Variants in ANKRD13B observed in about 807,000 individuals in gnomAD.
The protein encoded by ANKRD13B is ankyrin repeat domain 13B.
Under a neutral mutation model 74.4 loss-of-function variants are expected in ANKRD13B, and 33 were observed. That is an observed-to-expected ratio of 0.44 (90% CI 0.34 to 0.59). The LOEUF (loss-of-function observed/expected upper bound fraction) is 0.59, where lower values mean the gene tolerates loss of function less well. ANKRD13B is among the 20% of genes least tolerant of loss of function. The pLI is 0.02. For synonymous variants in ANKRD13B, 341 were observed against 362.9 expected (o/e 0.94, Z 0.68); for missense variants, 676 against 877.9 (o/e 0.77, Z 2.91).
rs2034689427 is a variant in ANKRD13B at position 29,613,557 on chromosome 17, T to C, written c.1856T>C (p.Leu619Pro). The change falls in exon 15 of 15, where the codon CTG becomes CCG. Residue 619 changes from leucine to proline, a missense_variant. Coordinates refer to ENST00000394859, the MANE Select transcript of ANKRD13B (RefSeq NM_152345.5). ...GAGGAGGAGGAGCTGGAGCGCATCC[T>C]GAGGCTCTCACTGACCGAGCAGTAG... ...RQEEEELERI[L>P]RLSLTEQ 6.6e-7 allele frequency: 1 copy of C among 1,504,930 alleles called. No homozygotes were observed. Among genetic ancestry groups the C allele is most frequent in the Non-Finnish European group, 8.9e-7 (1 of 1,128,600 alleles). 93.2% of individuals were successfully genotyped at this position (1,504,930 alleles called of 1,614,324 possible). A position where few individuals can be genotyped will look rare whatever the true frequency, so the allele number is the denominator to read the frequency against.
At chr17:29,601,564 A>G (rs1377865816) in intron 1 of ANKRD13B, among the ~76,000 whole-genome samples, 2 of 152,104 alleles carry the variant, frequency 1.3e-5, no homozygotes, top group Non-Finnish European at 2.9e-5. Flanking sequence ...GCACTCTTCA[A>G]TCCTTTGTAC....
intron 1 of ANKRD13B, among the ~76,000 whole-genome samples, chr17:29,596,548 C>T (rs189919035): frequency 1.2e-4 from 18 of 152,298 alleles, no homozygotes; most frequent in Admixed American, 1.2e-3. Flanking sequence ...GTGGGAGGGA[C>T]ATGTGTGGGC....
rs1233436934 is a variant in ANKRD13B, at chr17:29,612,858, C to T, written c.1576-29C>T. The T allele has an allele frequency of 6.2e-7, 1 of 1,600,332 alleles. No homozygotes were observed. The highest frequency in any genetic ancestry group is 8.5e-7 in the Non-Finnish European group (1 of 1,179,186). On this transcript the variant is annotated intron_variant, in intron 13 of 14. Transcript: ENST00000394859. This position sits in a 1 kb window ranked among gnomAD's most constrained non-coding sequence, Gnocchi z 6.1. ...CGCGGGGCCACGGGACTCCGCGCCG[C>T]CACGGCTAACGCCCACGCCTCCCCG...
rs764060127 is a variant in ANKRD13B, at chr17:29,607,894, AC to A, written c.250+21del. ...GCTGGACAGGTGGGCAGCCCTGCTCACCCCAGCCCCACAGCCGGGGCCTCCC... is the reference window on the plus strand; with the variant it reads ...GCTGGACAGGTGGGCAGCCCTGCTCACCCAGCCCCACAGCCGGGGCCTCCC... On this transcript the variant is annotated intron_variant, in intron 2 of 14. Transcript: ENST00000394859. 6.3e-7 allele frequency: 1 copy of A among 1,584,720 alleles called. No individual in the cohort carries two copies. The highest frequency in any genetic ancestry group is 8.6e-7 in the Non-Finnish European group (1 of 1,164,012).
intron 1 of ANKRD13B, among the ~76,000 whole-genome samples, chr17:29,607,460 G>A (rs2034429108): frequency 6.6e-6 from 1 of 152,230 alleles, no homozygotes; most frequent in South Asian, 2.1e-4. Context: ...CCAGCCAGGG[G>A]CCCTTGGTGG....
Position 29,593,591 on chromosome 17 carries a change from GGCGCCGC to G in ANKRD13B, c.-29_-23del. Reference sequence around the variant, plus strand: ...CGGCGCCGTCCCTCCTCCCCGGCCGGGCGCCGCGGCCCCGGCATGAGGAGCGGGCGAT... The same window carrying G: ...CGGCGCCGTCCCTCCTCCCCGGCCGGGGCCCCGGCATGAGGAGCGGGCGAT... On this transcript the variant is annotated 5_prime_UTR_variant, in exon 1 of 15. The change abolishes the stop of an existing upstream ORF in the 5' untranslated region. Coordinates refer to ENST00000394859, the MANE Select transcript of ANKRD13B (RefSeq NM_152345.5). 1 of 1,179,428 alleles carries G rather than the reference GGCGCCGC, an allele frequency of 8.5e-7. No individual in the cohort carries two copies. The highest frequency in any genetic ancestry group is 4.2e-5 in the East Asian group (1 of 23,582). 73.1% of individuals were successfully genotyped at this position (1,179,428 alleles called of 1,614,324 possible).
rs1222965915 is a variant in ANKRD13B at position 29,609,455 on chromosome 17, G to T, written c.822+34G>T. The T allele has an allele frequency of 5.0e-6, 8 of 1,610,728 alleles. No homozygotes were observed. The highest frequency in any genetic ancestry group is 6.8e-6 in the Non-Finnish European group (8 of 1,178,748). On this transcript the variant is annotated intron_variant, in intron 7 of 14. Coordinates refer to ENST00000394859, the MANE Select transcript of ANKRD13B (RefSeq NM_152345.5). This position sits in a 1 kb window ranked among gnomAD's most constrained non-coding sequence, Gnocchi z 4.0. Reference sequence around the variant, plus strand: ...GCAGCTCCCAGCTGCCAGCCCAGCTGCACTCTTGCCTACAGCAAGCTGTAC... The same window carrying T: ...GCAGCTCCCAGCTGCCAGCCCAGCTTCACTCTTGCCTACAGCAAGCTGTAC...
Position 29,593,487 on chromosome 17 carries a change from G to A in ANKRD13B, c.-135G>A, listed in dbSNP as rs2033838302. The A allele has an allele frequency of 4.7e-6, 1 of 213,224 alleles. No homozygotes were observed. Among genetic ancestry groups the A allele is most frequent in the African/African-American group, 2.4e-5 (1 of 41,662 alleles). The allele number at this position is 213,224 out of a possible 1,614,324, so 13.2% of individuals were successfully genotyped here. A position where few individuals can be genotyped will look rare whatever the true frequency, so the allele number is the denominator to read the frequency against. ...GCCGGGCGCGCCGCCCCCGCCCGCC[G>A]CCGCTCGCACATGCCCGAGCCGCAG... On this transcript the variant is annotated 5_prime_UTR_variant, in exon 1 of 15. Coordinates refer to ENST00000394859, the MANE Select transcript of ANKRD13B (RefSeq NM_152345.5).
At chr17:29,597,301 C>T (rs746896344) in intron 1 of ANKRD13B, among the ~76,000 whole-genome samples, 13 of 152,210 alleles carry the variant, frequency 8.5e-5, no homozygotes, top group African/African-American at 2.4e-4. Flanking sequence ...CGCACACACA[C>T]GTTACACAGG....
rs1218361291 is a variant in ANKRD13B at position 29,613,483 on chromosome 17, G to A, written c.1782G>A (p.Met594Ile). Residue 594 changes from methionine (M) to isoleucine (I), a missense_variant, in exon 15 of 15, where the codon ATG (methionine) becomes ATA (isoleucine). Met to Ile is a conservative substitution (Grantham distance 10). This residue lies in a region of ANKRD13B where 108 missense variants were observed against 90.3 expected (regional missense o/e 1.20). Transcript: ENST00000394859. The part of the protein sequence containing the change: ...RSYDEQLRLA[M>I]ELSAQEQEER... ...ACGACGAGCAGCTGCGGCTGGCGAT[G>A]GAACTGTCGGCGCAGGAGCAGGAGG... 1.3e-6 allele frequency: 2 copies of A among 1,532,806 alleles called. No homozygotes were observed. Among genetic ancestry groups the A allele is most frequent in the African/African-American group, 2.8e-5 (2 of 70,670 alleles). The allele number at this position is 1,532,806 out of a possible 1,614,324, so 95.0% of individuals were successfully genotyped here. A position where few individuals can be genotyped will look rare whatever the true frequency, so the allele number is the denominator to read the frequency against.
chr17:29,598,542 C>CT (rs1242153950), intron 1 of ANKRD13B, among the ~76,000 whole-genome samples: 1 of 106,528 alleles, frequency 9.4e-6, no homozygotes, highest in Non-Finnish European at 1.9e-5. Flanking sequence ...CTCTTTCTTT[C>CT]TTCTTCTTTT....
chr17:29,600,392 T>TA (rs2034126367), intron 1 of ANKRD13B, among the ~76,000 whole-genome samples: 1 of 152,152 alleles, frequency 6.6e-6, no homozygotes, highest in Non-Finnish European at 1.5e-5. Context: ...AACTTCCTAC[T>TA]CGGGTAGATA....
intron 1 of ANKRD13B, among the ~76,000 whole-genome samples, chr17:29,607,044 C>T (rs570123461): frequency 9.9e-5 from 15 of 151,630 alleles, no homozygotes; most frequent in East Asian, 3.9e-4. Context: ...AGTGAGACTC[C>T]GTCCCCCCAA....
rs1022816123 is a variant in ANKRD13B at position 29,604,260 on chromosome 17, G to A, written c.115-3482G>A. On this transcript the variant is annotated intron_variant, in intron 1 of 14. Transcript: ENST00000394859. ...GTCTTGCTCTGTCACCCAGGCTTGA[G>A]TGCAGTGGGGCAATCTCAGCTCATT... is the stretch of plus-strand genomic sequence containing the variant. Among the ~76,000 whole-genome samples the A allele has an allele frequency of 2.0e-5, 3 of 151,828 alleles. No individual in the cohort carries two copies. The East Asian group carries it at 5.8e-4, about 29-fold the overall frequency.
chr17:29,612,741 C>CGGG lies in ANKRD13B; in HGVS notation c.1502_1504dup (p.Arg501_Asp502insGly). Reference sequence around the variant, plus strand: ...GGGCGGCCAGCGGGAGGCGGCGACCCGGGACGACGACGACGACCTGCTGCA... The same window carrying CGGG: ...GGGCGGCCAGCGGGAGGCGGCGACCCGGGGGGACGACGACGACGACCTGCTGCA... On this transcript the variant is annotated inframe_insertion, in exon 13 of 15. Transcript: ENST00000394859. The surrounding 1 kb of genome is among the most constrained non-coding windows in gnomAD (Gnocchi z 6.1). The CGGG allele has an allele frequency of 2.5e-6, 4 of 1,601,832 alleles. No homozygotes were observed. The highest frequency in any genetic ancestry group is 3.4e-6 in the Non-Finnish European group (4 of 1,178,764).
Position 29,609,888 on chromosome 17 carries a change from C to A in ANKRD13B, c.822+467C>A, listed in dbSNP as rs1026094380. Among the ~76,000 whole-genome samples, 3 of 152,094 alleles carry A rather than the reference C, an allele frequency of 2.0e-5. No individual in the cohort carries two copies. The highest frequency in any genetic ancestry group is 7.2e-5 in the African/African-American group (3 of 41,400). Reference sequence around the variant, plus strand: ...GGCTGGCCTGACCCTAGAGCCAGGCCTTTATCCCTAAAAATGACTGCCTGG... The same window carrying A: ...GGCTGGCCTGACCCTAGAGCCAGGCATTTATCCCTAAAAATGACTGCCTGG... On this transcript the variant is annotated intron_variant, in intron 7 of 14. Transcript: ENST00000394859. This position sits in a 1 kb window ranked among gnomAD's most constrained non-coding sequence, Gnocchi z 4.0.
intron 1 of ANKRD13B, among the ~76,000 whole-genome samples, chr17:29,598,056 G>A (rs943121188): frequency 1.3e-5 from 2 of 152,144 alleles, no homozygotes; most frequent in African/African-American, 2.4e-5. Flanking sequence ...CAGTCAGCTC[G>A]GGCCCTGTGG....
intron 1 of ANKRD13B, among the ~76,000 whole-genome samples, chr17:29,602,447 A>T (rs971572647): frequency 1.3e-5 from 2 of 152,170 alleles, no homozygotes; most frequent in African/African-American, 4.8e-5. Context: ...CATAAATACA[A>T]ATTTGAGATG....
chr17:29,607,604 C>T (rs966682488), intron 1 of ANKRD13B, 138 bp from the exon 2 acceptor site: 9 of 1,216,024 alleles, frequency 7.4e-6, no homozygotes, highest in East Asian at 2.5e-5. Context: ...TCTGTCTTTC[C>T]GTTGCCTTGT....
Sources: allele counts gnomAD v4.1 joint callset (sites outside exome capture counted in the v4.1 genomes callset), GRCh38; gene constraint gnomAD v4.1.1; regional missense constraint gnomAD v4.1.1; non-coding constraint Gnocchi (gnomAD v3.1); transcripts MANE v1.5; gene names NCBI Gene and HGNC (gene_info 2026-07-23, HGNC 2026-07-21).